ECE1: variants seen among roughly 807,000 people sequenced by gnomAD.
ECE1 encodes the protein endothelin-converting enzyme 1.
A neutral mutation model predicts 98.6 loss-of-function variants in ECE1; 35 were observed. The ratio of observed to expected loss-of-function variants is 0.35; its 90% CI spans 0.27 to 0.47. The LOEUF is 0.47. ECE1 is among the 20% of genes least tolerant of loss of function. The pLI is 1.00. For synonymous variants in ECE1, 394 were observed against 407.1 expected, an observed-to-expected ratio of 0.97 and a Z score of 0.39; for missense variants, 814 against 1,025.3, an observed-to-expected ratio of 0.79 and a Z score of 2.81.
intron 12 of ECE1, 24 bp downstream of exon 12, chr1:21,236,722 C>T (rs1266421859): frequency 3.1e-6 from 5 of 1,612,102 alleles, no homozygotes; most frequent in Non-Finnish European, 3.4e-6. Flanking sequence ...GCAGCACCCC[C>T]TCCAAGTGCC....
Position 21,233,371 on chromosome 1 carries a change from G to A in ECE1, c.1670+187C>T, listed in dbSNP as rs2098184165. The A allele has an allele frequency of 1.8e-6, 1 of 568,816 alleles. No homozygotes were observed. The highest frequency in any genetic ancestry group is 2.0e-5 in the South Asian group (1 of 49,742). 35.2% of individuals were successfully genotyped at this position (568,816 alleles called of 1,614,324 possible). On this transcript the variant is annotated intron_variant, in intron 14 of 18. Coordinates refer to ENST00000374893, the MANE Select transcript of ECE1 (RefSeq NM_001397.3). The surrounding 1 kb of genome is among the most constrained non-coding windows in gnomAD (Gnocchi z 4.0). ...TCAAGCCCATCCCAGCTCCTAGCTG[G>A]GCCATACTTCTTTTGCCCTTGGTTT...
chr1:21,227,563 G>C (rs2098175964), intron 15 of ECE1, among the ~76,000 whole-genome samples: 1 of 152,182 alleles, frequency 6.6e-6, no homozygotes, highest in Non-Finnish European at 1.5e-5. Context: ...GCTGGGAATG[G>C]GTCAATTGCT....
In ECE1 at chr1:21,260,674, G is replaced by A. The variant is rs924277785; in HGVS notation, c.494-282C>T. Among the ~76,000 whole-genome samples, 2 of 152,188 alleles carry A rather than the reference G, an allele frequency of 1.3e-5. No homozygotes were observed. Among genetic ancestry groups the A allele is most frequent in the Non-Finnish European group, 2.9e-5 (2 of 68,048 alleles). ...AGTTGGGTTCACAGACGTGTCCCCGGGTTGACCGCACGTGCCCACCAGCAG... is the reference window on the plus strand; with the variant it reads ...AGTTGGGTTCACAGACGTGTCCCCGAGTTGACCGCACGTGCCCACCAGCAG... On this transcript the variant is annotated intron_variant, in intron 4 of 18. Coordinates refer to ENST00000374893, the MANE Select transcript of ECE1 (RefSeq NM_001397.3). This position sits in a 1 kb window ranked among gnomAD's most constrained non-coding sequence, Gnocchi z 4.3.
At chr1:21,261,992 G>C (rs1221640427) in intron 4 of ECE1, among the ~76,000 whole-genome samples, 1 of 152,142 alleles carries the variant, frequency 6.6e-6, no homozygotes, top group Non-Finnish European at 1.5e-5. Context: ...GTCACTTCCT[G>C]GCCAGTCTTT....
chr1:21,287,293 A>T (rs1052112598), intron 2 of ECE1, among the ~76,000 whole-genome samples: 4 of 152,230 alleles, frequency 2.6e-5, no homozygotes, highest in African/African-American at 9.6e-5. Flanking sequence ...TGGGAGGCCG[A>T]GGCAGGCAGA....
At position 21,225,572 on chromosome 1, in the gene ECE1, T is replaced by C. The variant is rs1398381289; in HGVS notation, c.1850-132A>G. On this transcript the variant is annotated intron_variant, in intron 16 of 18. Coordinates refer to ENST00000374893, the MANE Select transcript of ECE1 (RefSeq NM_001397.3). This position sits in a 1 kb window ranked among gnomAD's most constrained non-coding sequence, Gnocchi z 5.3. ...CTCCAGCCACCATGGGGAGACGAGG[T>C]CCCTGTGAGTGCCGAGGGACGTGGA... 1.7e-5 allele frequency: 17 copies of C among 1,009,884 alleles called. No individual in the cohort carries two copies. Among genetic ancestry groups the C allele is most frequent in the Non-Finnish European group, 2.3e-5 (16 of 687,940 alleles). 62.6% of individuals were successfully genotyped at this position (1,009,884 alleles called of 1,614,324 possible).
chr1:21,245,882 C>G (rs1220079433), intron 9 of ECE1, among the ~76,000 whole-genome samples: 1 of 152,172 alleles, frequency 6.6e-6, no homozygotes, highest in Admixed American at 6.6e-5. Flanking sequence ...GAAAACCGAT[C>G]TCTCTTTCCC....
chr1:21,225,411 G>A lies in ECE1; in HGVS notation c.1879C>T (p.Arg627Trp), dbSNP rs200894751. Residue 627 changes from arginine (R) to tryptophan (W), a missense_variant, in exon 17 of 19, where the codon CGG (arginine) becomes TGG (tryptophan). Physicochemically the swap from Arg to Trp is moderately radical, Grantham distance 101. Around this residue, in one of 3 missense-constraint regions of ECE1, gnomAD observed 452 missense variants for 567.3 expected, o/e 0.80. Transcript: ENST00000374893. The surrounding 1 kb of genome is among the most constrained non-coding windows in gnomAD (Gnocchi z 5.3). ...GREYDKDGNL[R>W]PWWKNSSVEA... The stretch of plus-strand genomic sequence containing the variant: ...ACGGATGAGTTCTTCCACCATGGCC[G>A]GAGGTTCCCGTCCTTGTCATACTCC... The A allele has an allele frequency of 9.5e-5, 154 of 1,614,036 alleles. No homozygotes were observed. The highest frequency in any genetic ancestry group is 1.7e-5 in the Admixed American group (1 of 59,996).
At chr1:21,339,103 G>A (rs2103419482) in intron 1 of ECE1, among the ~76,000 whole-genome samples, 2 of 152,126 alleles carry the variant, frequency 1.3e-5, no homozygotes, top group South Asian at 4.2e-4. Context: ...GGGAGGGGCT[G>A]TTATCTGAGC....
chr1:21,262,135 G>A (rs1384301223), intron 4 of ECE1, among the ~76,000 whole-genome samples: 1 of 152,202 alleles, frequency 6.6e-6, no homozygotes, highest in Non-Finnish European at 1.5e-5. Context: ...CTGAAAGGGG[G>A]ACGGGACCAG....
rs1573922276 is a variant in ECE1, at chr1:21,220,770, C to T, written c.2137-639G>A. On this transcript the variant is annotated intron_variant, in intron 18 of 18. Transcript: ENST00000374893. The surrounding 1 kb of genome is among the most constrained non-coding windows in gnomAD (Gnocchi z 5.0). ...AAGATCACACCATTGCACTCCAGGCCGGGTGACTGAGGGAGACTCCGGCTC... is the reference window on the plus strand; with the variant it reads ...AAGATCACACCATTGCACTCCAGGCTGGGTGACTGAGGGAGACTCCGGCTC... Among the ~76,000 whole-genome samples the T allele has an allele frequency of 2.6e-5, 4 of 151,954 alleles. No individual in the cohort carries two copies. The highest frequency in any genetic ancestry group is 4.2e-4 in the South Asian group (2 of 4,818).
chr1:21,227,882 G>A, intron 15 of ECE1, 49 bp downstream of exon 15: 1 of 1,449,596 alleles, frequency 6.9e-7, no homozygotes, highest in South Asian at 1.2e-5. Context: ...GGGCCCCAGG[G>A]CTGGGCTGGG....
In ECE1 at chr1:21,345,250, C is replaced by A. The variant is rs1180719857; in HGVS notation, c.3+126G>T. 5.6e-5 allele frequency: 65 copies of A among 1,158,278 alleles called. No homozygotes were observed. The East Asian group carries it at 2.3e-3, about 41-fold the overall frequency. The allele number at this position is 1,158,278 out of a possible 1,614,324, so 71.8% of individuals were successfully genotyped here. A position where few individuals can be genotyped will look rare whatever the true frequency, so the allele number is the denominator to read the frequency against. The stretch of plus-strand genomic sequence containing the variant: ...ACGCCTTCCGAGAGCCGGGCGGGGG[C>A]TGCTGCTGCAGCCGGCGCCCAGCCC... On this transcript the variant is annotated intron_variant, in intron 1 of 18. Transcript: ENST00000415912. The surrounding 1 kb of genome is among the most constrained non-coding windows in gnomAD (Gnocchi z 5.1).
intron 13 of ECE1, among the ~76,000 whole-genome samples, chr1:21,234,706 T>C (rs1238039035): frequency 6.6e-6 from 1 of 152,188 alleles, no homozygotes; most frequent in Non-Finnish European, 1.5e-5. Flanking sequence ...CTTAAACTCC[T>C]GAGCTCAATC....
chr1:21,260,238 G>A lies in ECE1; in HGVS notation c.615+33C>T, dbSNP rs764543576. On this transcript the variant is annotated intron_variant, in intron 5 of 18. Coordinates refer to ENST00000374893, the MANE Select transcript of ECE1 (RefSeq NM_001397.3). This position sits in a 1 kb window ranked among gnomAD's most constrained non-coding sequence, Gnocchi z 4.3. ...AGGGGGCGGGCAGGTGGCATGGGCC[G>A]GGGCTTGGGGAGGGAGAGCCCGAGG... 2.2e-5 allele frequency: 35 copies of A among 1,614,030 alleles called. No individual in the cohort carries two copies. Among genetic ancestry groups the A allele is most frequent in the Non-Finnish European group, 2.7e-5 (32 of 1,180,018 alleles).
intron 8 of ECE1, among the ~76,000 whole-genome samples, chr1:21,249,122 C>A (rs1197568363): frequency 6.6e-6 from 1 of 152,108 alleles, no homozygotes; most frequent in Non-Finnish European, 1.5e-5. Flanking sequence ...GCCAGTGGAT[C>A]ACCTGAGGTC....
At chr1:21,294,680 C>T (rs1638303364), upstream of ECE1, among the ~76,000 whole-genome samples, 1 of 152,224 alleles carries the variant, frequency 6.6e-6, no homozygotes, top group African/African-American at 2.4e-5. The surrounding 1 kb of genome is among the most constrained non-coding windows in gnomAD (Gnocchi z 4.2). Context: ...CCTGGTAGCA[C>T]CTGGGCATGA....
At chr1:21,334,120 G>C (rs1487590624) in intron 1 of ECE1, among the ~76,000 whole-genome samples, 1 of 152,190 alleles carries the variant, frequency 6.6e-6, no homozygotes, top group Non-Finnish European at 1.5e-5. Context: ...ATCTTATCTA[G>C]AAAGAGTGCT....
chr1:21,236,715 G>C (rs767749274), intron 12 of ECE1, 31 bp downstream of exon 12: 1 of 1,601,742 alleles, frequency 6.2e-7, no homozygotes, highest in South Asian at 1.1e-5. Context: ...GGACGCCGCA[G>C]CACCCCCTCC....
Sources: allele counts gnomAD v4.1 joint callset (sites outside exome capture counted in the v4.1 genomes callset), GRCh38; gene constraint gnomAD v4.1.1; regional missense constraint gnomAD v4.1.1; non-coding constraint Gnocchi (gnomAD v3.1); transcripts MANE v1.5; gene names NCBI Gene and HGNC (gene_info 2026-07-23, HGNC 2026-07-21).